Variants in CFAP69 observed in about 807,000 individuals in gnomAD.
CFAP69 encodes the protein cilia- and flagella-associated protein 69.
Under a neutral mutation model 123.0 loss-of-function variants are expected in CFAP69, and 92 were observed. The ratio of observed to expected loss-of-function variants is 0.75; its 90% CI spans 0.63 to 0.89. CFAP69 has a LOEUF of 0.89. Ranked by LOEUF, CFAP69 falls within the 40% of genes least tolerant of loss-of-function variation. The pLI is 0.00. For synonymous variants in CFAP69, 380 were observed against 364.3 expected, an observed-to-expected ratio of 1.04 and a Z score of -0.49; for missense variants, 1,067 against 1,096.9, an observed-to-expected ratio of 0.97 and a Z score of 0.39.
chr7:90,286,015 T>C (rs1790220273), intron 13 of CFAP69, among the ~76,000 whole-genome samples: 1 of 152,136 alleles, frequency 6.6e-6, no homozygotes, highest in Non-Finnish European at 1.5e-5. Flanking sequence ...AAAATAGTTT[T>C]TCTAGGCTGG....
chr7:90,299,811 A>G (rs191630854), intron 16 of CFAP69, 56 bp from the exon 17 acceptor site: 3 of 1,298,632 alleles, frequency 2.3e-6, no homozygotes, highest in East Asian at 5.3e-5. Flanking sequence ...TTTTTTGAAG[A>G]CAATAATTCT....
chr7:90,315,124 A>C (rs1201455334), downstream of CFAP69, among the ~76,000 whole-genome samples: 1 of 147,514 alleles, frequency 6.8e-6, no homozygotes, highest in Non-Finnish European at 1.5e-5. Context: ...GCGAGGTTGC[A>C]GAGAAAAGAG....
At position 90,262,040 on chromosome 7, in the gene CFAP69, A is replaced by G; in HGVS notation, c.340A>G (p.Ile114Val). ...TCGTTTTATAGAATCTGCATATGAT[A>G]TCATAAAACTGTGTGGGTAAGTTAT... is the stretch of plus-strand genomic sequence containing the variant. ...QPRFIESAYD[I>V]IKLCGLPFLK... The change falls in exon 4 of 23, where the codon ATC (isoleucine) becomes GTC (valine). Residue 114 changes from isoleucine to valine, a missense_variant. Physicochemically the swap from Ile to Val is conservative, Grantham distance 29 (BLOSUM62 3). Transcript: ENST00000389297. The G allele has an allele frequency of 6.3e-7, 1 of 1,582,126 alleles. No homozygotes were observed. The highest frequency in any genetic ancestry group is 8.6e-7 in the Non-Finnish European group (1 of 1,164,106).
intron 15 of CFAP69, among the ~76,000 whole-genome samples, chr7:90,292,848 T>G (rs923899432): frequency 1.1e-4 from 16 of 152,234 alleles, no homozygotes; most frequent in African/African-American, 3.6e-4. Context: ...GAAAGGTTTT[T>G]TCCTCTATTC....
Position 90,260,909 on chromosome 7 carries a change from A to G in CFAP69, c.247-1038A>G, listed in dbSNP as rs150676331. ...AGAGAAGTATCTTGGTCACTTCTCT[A>G]GGAAGTTAACAGAGCTTTCTATTTC... On this transcript the variant is annotated intron_variant, in intron 3 of 22. Transcript: ENST00000389297. Among the ~76,000 whole-genome samples, 217 of 152,252 alleles carry G rather than the reference A, an allele frequency of 1.4e-3. 2 individuals carry two copies. Among genetic ancestry groups the G allele is most frequent in the African/African-American group, 4.8e-3 (199 of 41,550 alleles).
intron 13 of CFAP69, among the ~76,000 whole-genome samples, chr7:90,283,589 C>T (rs189110442): frequency 8.9e-4 from 135 of 152,226 alleles, no homozygotes; most frequent in African/African-American, 3.1e-3. Context: ...CCCTATACGT[C>T]ATCAATTAGA....
intron 9 of CFAP69, 81 bp downstream of exon 9, chr7:90,274,191 T>C: frequency 6.7e-7 from 1 of 1,499,778 alleles, no homozygotes; most frequent in Non-Finnish European, 9.0e-7. Context: ...TATGTTGGAA[T>C]ATTTGTGTAT....
At chr7:90,323,084 T>TGA in the CFAP69 span, among the ~76,000 whole-genome samples, 1 of 152,226 alleles carries the variant, frequency 6.6e-6, no homozygotes, top group Non-Finnish European at 1.5e-5. Context: ...ATGCTTTTGA[T>TGA]GAGACTATCA....
intron 21 of CFAP69, 110 bp downstream of exon 21, chr7:90,307,964 A>C: frequency 1.6e-6 from 1 of 623,884 alleles, no homozygotes; most frequent in Non-Finnish European, 2.7e-6. Flanking sequence ...TTTCCGTACA[A>C]TACCAGCACT....
chr7:90,255,283 G>A, intron 1 of CFAP69, 140 bp from the exon 2 acceptor site: 1 of 559,888 alleles, frequency 1.8e-6, no homozygotes, highest in Non-Finnish European at 3.1e-6. Flanking sequence ...TTCATCTACT[G>A]TTCATTCTCC....
At chr7:90,259,172 G>A (rs534890324) in intron 3 of CFAP69, among the ~76,000 whole-genome samples, 39 of 152,206 alleles carry the variant, frequency 2.6e-4, no homozygotes, top group African/African-American at 9.2e-4. Context: ...CAGCACTTTG[G>A]GAGGCCAAGA....
chr7:90,258,759 A>C (rs1797952750), intron 3 of CFAP69, among the ~76,000 whole-genome samples: 1 of 152,220 alleles, frequency 6.6e-6, no homozygotes, highest in African/African-American at 2.4e-5. Flanking sequence ...AAAATATCTA[A>C]CATTTTATGT....
chr7:90,250,709 A>G (rs1472089761), intron 1 of CFAP69, among the ~76,000 whole-genome samples: 1 of 152,098 alleles, frequency 6.6e-6, no homozygotes, highest in Non-Finnish European at 1.5e-5. Context: ...TTTTGTTTCT[A>G]TTCTCTGCTT....
intron 22 of CFAP69, among the ~76,000 whole-genome samples, 186 bp from the exon 23 acceptor site, chr7:90,309,882 T>G (rs1167665175): frequency 6.6e-6 from 1 of 152,190 alleles, no homozygotes; most frequent in African/African-American, 2.4e-5. Context: ...TGATAAGCAA[T>G]AGAAATAGAA....
At position 90,302,236 on chromosome 7, in the gene CFAP69, CAT is replaced by C. The variant is rs1299837407; in HGVS notation, c.2051-1731_2051-1730del. 3.3e-5 allele frequency: 5 copies of C among 152,112 alleles called. No individual in the cohort carries two copies. The East Asian group carries it at 9.6e-4, about 29-fold the overall frequency. 9.4% of individuals were successfully genotyped at this position (152,112 alleles called of 1,614,324 possible). Reference sequence around the variant, plus strand: ...CTGGATATTAGACCTCTGTCAGATGCATAGTTTGCACAAATTTTCTCCCATTC... The same window carrying C: ...CTGGATATTAGACCTCTGTCAGATGCAGTTTGCACAAATTTTCTCCCATTC... On this transcript the variant is annotated intron_variant, in intron 17 of 22. Transcript: ENST00000389297.
At chr7:90,287,355 A>T in intron 14 of CFAP69, 1 of 235,410 alleles carries the variant, frequency 4.2e-6, no homozygotes, top group Non-Finnish European at 6.9e-6. Flanking sequence ...TTGATGTATC[A>T]TAAAGTAGGT....
chr7:90,295,042 C>T (rs1791734643), intron 15 of CFAP69, among the ~76,000 whole-genome samples: 1 of 152,170 alleles, frequency 6.6e-6, no homozygotes, highest in Non-Finnish European at 1.5e-5. Context: ...TCTTTTCCAG[C>T]ATTCCCATTT....
chr7:90,267,500 G>A (rs1317456446), intron 5 of CFAP69, among the ~76,000 whole-genome samples: 2 of 152,134 alleles, frequency 1.3e-5, no homozygotes, highest in Non-Finnish European at 2.9e-5. Flanking sequence ...CATGTTTATA[G>A]GACTTCAACA....
chr7:90,254,832 G>C (rs372862590), intron 1 of CFAP69, among the ~76,000 whole-genome samples: 1 of 152,194 alleles, frequency 6.6e-6, no homozygotes, highest in African/African-American at 2.4e-5. Context: ...GGATGGTGTT[G>C]AAGGGTGCAA....
Sources: allele counts gnomAD v4.1 joint callset (sites outside exome capture counted in the v4.1 genomes callset), GRCh38; gene constraint gnomAD v4.1.1; transcripts MANE v1.5; gene names NCBI Gene and HGNC (gene_info 2026-07-23, HGNC 2026-07-21).